Variants in MAST2 observed in about 807,000 individuals in gnomAD.
MAST2 encodes microtubule-associated serine/threonine-protein kinase 2.
A neutral mutation model predicts 147.4 loss-of-function variants in MAST2; 70 were observed. That is an observed-to-expected ratio of 0.47 (90% CI 0.39 to 0.58). The LOEUF is 0.58. Ranked by LOEUF, MAST2 falls within the 20% of genes least tolerant of loss-of-function variation. The pLI, the probability that MAST2 is intolerant of heterozygous loss-of-function variation, is 0.00. For missense variants in MAST2, 2,080 were observed against 2,302.3 expected (o/e 0.90, Z 1.98); for synonymous variants, 869 against 896.8 (o/e 0.97, Z 0.55).
chr1:45,975,529 G>A (rs1644109515), intron 5 of MAST2, among the ~76,000 whole-genome samples: 1 of 143,778 alleles, frequency 7.0e-6, no homozygotes, highest in Admixed American at 6.9e-5. Context: ...AAAGCCAGGT[G>A]TGGTAATACA....
At chr1:45,975,292 T>C (rs886530735) in intron 5 of MAST2, among the ~76,000 whole-genome samples, 7 of 152,134 alleles carry the variant, frequency 4.6e-5, no homozygotes, top group African/African-American at 1.7e-4. Context: ...AGGTAGCTCA[T>C]TGAATGAGGT....
intron 3 of MAST2, among the ~76,000 whole-genome samples, chr1:45,849,868 T>C (rs1645568812): frequency 6.6e-6 from 1 of 152,212 alleles, no homozygotes; most frequent in African/African-American, 2.4e-5. Context: ...GCACCTAGGT[T>C]GATCCCATGT....
At position 45,910,071 on chromosome 1, in the gene MAST2, T is replaced by TGTG. The variant is rs1651437680; in HGVS notation, c.500+27676_500+27677insGTG. ...TGGTTTATTTTCTGTGTTTCCAATCTTCAGTGATAGTAATTGTGTAAGTAC... is the reference window on the plus strand; with the variant it reads ...TGGTTTATTTTCTGTGTTTCCAATCTGTGTCAGTGATAGTAATTGTGTAAGTAC... On this transcript the variant is annotated intron_variant, in intron 4 of 28. Transcript: ENST00000361297. 1.1e-4 allele frequency among the ~76,000 whole-genome samples: 17 copies of TGTG among 152,218 alleles called. 1 individual carries two copies. The Middle Eastern group carries it at 0.021, about 184-fold the overall frequency.
intron 1 of MAST2, among the ~76,000 whole-genome samples, chr1:45,805,618 T>G (rs182513379): frequency 4.6e-5 from 7 of 152,340 alleles, no homozygotes; most frequent in Non-Finnish European, 1.5e-5. Flanking sequence ...TACTGCGTAT[T>G]TCATGGTAGA....
At chr1:45,882,012 TAAAAAAAAAAA>T (rs71062722) in intron 3 of MAST2, among the ~76,000 whole-genome samples, 3,891 of 39,888 alleles carry the variant, frequency 0.098, 281 homozygotes, top group African/African-American at 0.29. Context: ...CCGTCTCTAC[TAAAAAAAAAAA>T]AAAAAAAAAA....
At chr1:45,900,798 C>T (rs1276677288) in intron 4 of MAST2, among the ~76,000 whole-genome samples, 1 of 152,034 alleles carries the variant, frequency 6.6e-6, no homozygotes. Flanking sequence ...GTTTGTTGGT[C>T]ACTTGTCTTC....
intron 1 of MAST2, among the ~76,000 whole-genome samples, chr1:45,820,208 G>C (rs1246484584): frequency 1.3e-5 from 2 of 152,120 alleles, no homozygotes; most frequent in African/African-American, 4.8e-5. Context: ...AATCAAAAAT[G>C]TATTAAAGAT....
intron 10 of MAST2, among the ~76,000 whole-genome samples, chr1:46,014,403 C>T (rs1450162816): frequency 1.4e-5 from 2 of 145,900 alleles, no homozygotes. Flanking sequence ...TCAATTCCCA[C>T]CTATGAGTGA....
intron 3 of MAST2, among the ~76,000 whole-genome samples, chr1:45,860,093 C>T (rs114280877): frequency 0.012 from 1,839 of 152,136 alleles, 30 homozygotes; most frequent in African/African-American, 0.039. Context: ...CGGGGTGGCT[C>T]ATGCCTGCAA....
intron 4 of MAST2, among the ~76,000 whole-genome samples, chr1:45,900,891 T>C (rs1171090064): frequency 1.3e-5 from 2 of 152,252 alleles, no homozygotes; most frequent in Non-Finnish European, 2.9e-5. Context: ...TTATAGATTC[T>C]GGATATTAGT....
chr1:45,875,635 A>T (rs1646574309), intron 3 of MAST2, among the ~76,000 whole-genome samples: 1 of 152,098 alleles, frequency 6.6e-6, no homozygotes, highest in Non-Finnish European at 1.5e-5. Context: ...GGGGAAGTAG[A>T]AGTGAATTGA....
intron 4 of MAST2, chr1:45,917,406 C>T (rs752133517): frequency 7.3e-7 from 1 of 1,366,610 alleles, no homozygotes; most frequent in South Asian, 1.1e-5. Flanking sequence ...TGCTCCAGCC[C>T]TCTTCCTCAC....
chr1:45,841,540 C>T (rs929194094), intron 3 of MAST2, among the ~76,000 whole-genome samples: 1 of 151,938 alleles, frequency 6.6e-6, no homozygotes, highest in Non-Finnish European at 1.5e-5. Context: ...TGGATGCCAC[C>T]ATGCCTGGCT....
In MAST2 at chr1:46,031,269, C is replaced by T. The variant is rs1465097806; in HGVS notation, c.2971C>T (p.Arg991Trp). ...AAAGCTGGATGAGGAAGCTGTTGGC[C>T]GGAGCAGTGGTTCCAGTCCAGGTAT... ...RPKLDEEAVG[R>W]SSGSSPAMET... is the part of the protein sequence containing the mutation. Residue 991 changes from arginine (R) to tryptophan (W), a missense_variant, in exon 23 of 29, where the codon CGG becomes TGG. By Grantham distance (101) the Arg-to-Trp change is moderately radical. Around this residue, in one of 4 missense-constraint regions of MAST2, gnomAD observed 1,278 missense variants for 1,304.2 expected, o/e 0.98. Transcript: ENST00000361297. The surrounding 1 kb of genome is among the most constrained non-coding windows in gnomAD (Gnocchi z 4.1). The T allele has an allele frequency of 7.8e-6, 12 of 1,536,156 alleles. No homozygotes were observed. Among genetic ancestry groups the T allele is most frequent in the East Asian group, 2.3e-5 (1 of 44,032 alleles).
intron 4 of MAST2, among the ~76,000 whole-genome samples, chr1:45,925,319 T>G (rs1322736589): frequency 6.6e-6 from 1 of 152,264 alleles, no homozygotes; most frequent in Non-Finnish European, 1.5e-5. Flanking sequence ...ATGCTAGCTC[T>G]TAAGTGTCTC....
chr1:45,882,441 G>A, intron 4 of MAST2, 46 bp downstream of exon 4: 2 of 1,451,084 alleles, frequency 1.4e-6, no homozygotes, highest in Middle Eastern at 3.5e-4. Flanking sequence ...TCCTACTTAG[G>A]AACCCCTCTT....
chr1:45,896,936 C>G (rs1437304252), intron 4 of MAST2, among the ~76,000 whole-genome samples: 1 of 152,168 alleles, frequency 6.6e-6, no homozygotes, highest in Non-Finnish European at 1.5e-5. Flanking sequence ...CAGGATTGGC[C>G]TTGGTAAACA....
intron 1 of MAST2, among the ~76,000 whole-genome samples, chr1:45,814,464 G>A (rs2148657269): frequency 6.6e-6 from 1 of 152,132 alleles, no homozygotes; most frequent in African/African-American, 2.4e-5. Flanking sequence ...AGTTTAAAAA[G>A]TAAAAAAAGA....
chr1:45,815,733 G>T (rs1050410884), intron 1 of MAST2, among the ~76,000 whole-genome samples: 10 of 152,118 alleles, frequency 6.6e-5, no homozygotes, highest in Non-Finnish European at 1.2e-4. Flanking sequence ...CTTGATTGAG[G>T]TGCTTCCATT....
Sources: allele counts gnomAD v4.1 joint callset (sites outside exome capture counted in the v4.1 genomes callset), GRCh38; gene constraint gnomAD v4.1.1; regional missense constraint gnomAD v4.1.1; non-coding constraint Gnocchi (gnomAD v3.1); transcripts MANE v1.5; gene names NCBI Gene and HGNC (gene_info 2026-07-23, HGNC 2026-07-21).